Variants in GPNMB observed in about 807,000 individuals in gnomAD.
GPNMB encodes glycoprotein nmb, also known as transmembrane glycoprotein NMB.
A neutral mutation model predicts 57.3 loss-of-function variants in GPNMB; 71 were observed. The observed-to-expected ratio is 1.24, with a 90% CI of 1.02 to 1.51. GPNMB has a LOEUF of 1.51. Ranked by LOEUF, GPNMB falls within the 40% of genes most tolerant of loss-of-function variation. The pLI, the probability that GPNMB is intolerant of heterozygous loss-of-function variation, is 0.00. For missense variants in GPNMB, 677 were observed against 691.9 expected (o/e 0.98, Z 0.24); for synonymous variants, 253 against 263.2 (o/e 0.96, Z 0.38).
At chr7:23,272,199 T>G (rs1783223861) in intron 9 of GPNMB, among the ~76,000 whole-genome samples, 2 of 152,266 alleles carry the variant, frequency 1.3e-5, no homozygotes, top group Admixed American at 6.5e-5. Context: ...ATTCATTCTA[T>G]TAAGCTTCCT....
At position 23,254,272 on chromosome 7, in the gene GPNMB, T is replaced by G. The variant is rs1180756217; in HGVS notation, c.327T>G (p.Asp109Glu). 2.5e-6 allele frequency: 4 copies of G among 1,613,584 alleles called. No individual in the cohort carries two copies. Among genetic ancestry groups the G allele is most frequent in the African/African-American group, 1.3e-5 (1 of 74,930 alleles). Residue 109 changes from aspartate to glutamate, a missense_variant, in exon 3 of 11, where the codon GAT becomes GAG. By Grantham distance (45) the Asp-to-Glu change is conservative. Coordinates refer to ENST00000258733, the MANE Select transcript of GPNMB (RefSeq NM_002510.3). ...TATTCCCTAGATGCCAAAAGGAAGATGCCAATGGCAACATAGTCTATGAGA... is the reference window on the plus strand; with the variant it reads ...TATTCCCTAGATGCCAAAAGGAAGAGGCCAATGGCAACATAGTCTATGAGA... ...NLIFPRCQKE[D>E]ANGNIVYEKN...
rs569503574 is a variant in GPNMB at position 23,263,169 on chromosome 7, T to A, written c.1018+2396T>A. Reference sequence around the variant, plus strand: ...AGACTTAATGTTAGGTTGTTTAATGTTAGTCTACTTTGAATTGCATTTTTA... The same window carrying A: ...AGACTTAATGTTAGGTTGTTTAATGATAGTCTACTTTGAATTGCATTTTTA... On this transcript the variant is annotated intron_variant, in intron 6 of 10. Transcript: ENST00000258733. 3.3e-4 allele frequency among the ~76,000 whole-genome samples: 51 copies of A among 152,320 alleles called. 2 individuals are homozygous for A. In the South Asian group the frequency reaches 8.9e-3, roughly 27 times the overall value.
intron 1 of GPNMB, among the ~76,000 whole-genome samples, chr7:23,250,301 G>A (rs969649278): frequency 2.6e-5 from 4 of 151,934 alleles, no homozygotes; most frequent in Admixed American, 6.5e-5. Context: ...TTCCTGTTAC[G>A]GGTTGTGTTC....
At chr7:23,257,191 C>T in intron 4 of GPNMB, 126 bp downstream of exon 4, 2 of 875,988 alleles carry the variant, frequency 2.3e-6, no homozygotes, top group Non-Finnish European at 3.9e-6. Flanking sequence ...GCTAACTTTC[C>T]TTAGCATGAG....
chr7:23,263,286 G>C (rs1397407912), intron 6 of GPNMB, among the ~76,000 whole-genome samples: 5 of 152,066 alleles, frequency 3.3e-5, no homozygotes, highest in Non-Finnish European at 7.4e-5. Flanking sequence ...TAAAATTTCT[G>C]TTGTAATTTC....
intron 6 of GPNMB, chr7:23,266,197 C>A (rs113828785): frequency 3.6e-6 from 1 of 274,950 alleles, no homozygotes; most frequent in South Asian, 4.3e-5. Flanking sequence ...GATCTGCCCC[C>A]CTCGGCCTCC....
At chr7:23,259,331 G>A (rs112044776) in intron 4 of GPNMB, among the ~76,000 whole-genome samples, 3,846 of 152,082 alleles carry the variant, frequency 0.025, 158 homozygotes, top group African/African-American at 0.081. Context: ...TTACAGGCTC[G>A]TACCACCACA....
At chr7:23,271,882 G>T (rs969212274) in intron 9 of GPNMB, among the ~76,000 whole-genome samples, 2 of 152,112 alleles carry the variant, frequency 1.3e-5, no homozygotes, top group Non-Finnish European at 2.9e-5. Flanking sequence ...TAAAAGAAGA[G>T]ATTTAATCCC....
chr7:23,268,750 G>T (rs1783128712), intron 8 of GPNMB, among the ~76,000 whole-genome samples: 1 of 152,134 alleles, frequency 6.6e-6, no homozygotes, highest in Non-Finnish European at 1.5e-5. Flanking sequence ...CCACCTTGGG[G>T]AGAGGACCAG....
Position 23,274,119 on chromosome 7 carries a change from C to A in GPNMB, c.1578C>A (p.Ser526Arg), listed in dbSNP as rs35878037. 7,909 of 1,612,792 alleles carry A rather than the reference C, an allele frequency of 4.9e-3. 93 individuals are homozygous for A. The highest frequency in any genetic ancestry group is 0.045 in the African/African-American group (3,339 of 74,952). Residue 526 changes from serine (S) to arginine (R), a missense_variant, in exon 11 of 11, where the codon AGC becomes AGA. Transcript: ENST00000258733. The stretch of plus-strand genomic sequence containing the variant: ...ATAGTCCTGGGAATGTGGTCAGAAG[C>A]AAAGGCCTGAGTGTCTTTCTCAACC... ...IENSPGNVVR[S>R]KGLSVFLNRA...
chr7:23,268,442 A>G (rs1783122589), intron 8 of GPNMB, among the ~76,000 whole-genome samples: 1 of 152,224 alleles, frequency 6.6e-6, no homozygotes, highest in Non-Finnish European at 1.5e-5. Flanking sequence ...CTATGCTAAC[A>G]TTAATAGCAA....
chr7:23,266,957 C>T (rs1252138244), intron 7 of GPNMB, among the ~76,000 whole-genome samples: 2 of 152,226 alleles, frequency 1.3e-5, no homozygotes, highest in Admixed American at 1.3e-4. Flanking sequence ...CTTCCACTGT[C>T]TTCCCCTAGT....
intron 3 of GPNMB, among the ~76,000 whole-genome samples, chr7:23,256,364 A>G (rs1383426190): frequency 6.6e-6 from 1 of 152,244 alleles, no homozygotes; most frequent in Admixed American, 6.5e-5. Flanking sequence ...ATCTACATCT[A>G]GAGACAGAAA....
At chr7:23,260,385 A>G (rs899748386) in intron 5 of GPNMB, 71 bp from the exon 6 acceptor site, 5 of 1,257,838 alleles carry the variant, frequency 4.0e-6, no homozygotes, top group Non-Finnish European at 5.6e-6. Flanking sequence ...ACCTAAAAGC[A>G]TCGTCGAAGC....
chr7:23,268,069 A>G, intron 8 of GPNMB, 81 bp downstream of exon 8: 1 of 821,444 alleles, frequency 1.2e-6, no homozygotes, highest in African/African-American at 1.7e-5. Flanking sequence ...ACCACCAGTT[A>G]CCCCTTTTAA....
intron 8 of GPNMB, among the ~76,000 whole-genome samples, chr7:23,268,506 A>G (rs1200362669): frequency 6.6e-6 from 1 of 152,242 alleles, no homozygotes; most frequent in African/African-American, 2.4e-5. Context: ...AATGCATTAT[A>G]TAATTTGGTT....
At chr7:23,247,011 G>T in intron 1 of GPNMB, 84 bp downstream of exon 1, 1 of 1,029,338 alleles carries the variant, frequency 9.7e-7, no homozygotes, top group Non-Finnish European at 1.5e-6. Context: ...TGAACTAGAG[G>T]TTGGACTGAA....
intron 8 of GPNMB, among the ~76,000 whole-genome samples, chr7:23,269,447 T>G (rs1783145840): frequency 6.6e-6 from 1 of 152,128 alleles, no homozygotes; most frequent in Admixed American, 6.6e-5. Context: ...GTCATATATC[T>G]AAAACTCACT....
chr7:23,256,909 G>C lies in GPNMB; in HGVS notation c.385G>C (p.Asp129His). The change falls in exon 4 of 11, where the codon GAT (aspartate) becomes CAT (histidine). Residue 129 changes from aspartate to histidine, a missense_variant. Asp to His is a moderately conservative substitution (Grantham distance 81). Transcript: ENST00000258733. ...NCRNEAGLSA[D>H]PYVYNWTAWS... ...CTGTTTAGAGGCTGGTTTATCTGCT[G>C]ATCCGTATGTTTACAACTGGACAGC... 1 of 1,614,140 alleles carries C rather than the reference G, an allele frequency of 6.2e-7. No individual in the cohort carries two copies. Among genetic ancestry groups the C allele is most frequent in the Non-Finnish European group, 8.5e-7 (1 of 1,179,960 alleles).
Sources: gnomAD v4.1 joint callset for allele counts (sites outside exome capture counted in the v4.1 genomes callset) on GRCh38, gnomAD v4.1.1 for gene constraint, MANE v1.5 for transcripts, NCBI Gene and HGNC (gene_info 2026-07-23, HGNC 2026-07-21) for gene names.